Variants in DCLRE1C observed in about 807,000 individuals in gnomAD.
The protein encoded by DCLRE1C is protein artemis.
In DCLRE1C, 47 loss-of-function variants were observed where a neutral mutation model predicts 61.4. That is an observed-to-expected ratio of 0.77 (90% CI 0.61 to 0.98). DCLRE1C has a LOEUF of 0.98. Among genes scored for constraint, DCLRE1C ranks in the 50% least tolerant of loss-of-function variants. DCLRE1C has a pLI of 0.00. For synonymous variants in DCLRE1C, 337 were observed against 287.6 expected (o/e 1.17, Z -1.74); for missense variants, 858 against 816.0 (o/e 1.05, Z -0.63).
At chr10:14,938,604 GC>G (rs1166577124) in intron 4 of DCLRE1C, among the ~76,000 whole-genome samples, 7 of 152,108 alleles carry the variant, frequency 4.6e-5, no homozygotes, top group Admixed American at 2.6e-4. Flanking sequence ...AAAAAGGGGG[GC>G]TGTATGTCTA....
At chr10:14,951,262 T>A (rs569654810) in intron 1 of DCLRE1C, among the ~76,000 whole-genome samples, 13 of 151,748 alleles carry the variant, frequency 8.6e-5, no homozygotes, top group African/African-American at 3.1e-4. Context: ...ATGTCTGTAA[T>A]CCCAACTACT....
intron 11 of DCLRE1C, among the ~76,000 whole-genome samples, chr10:14,925,284 T>C (rs1473962236): frequency 6.8e-6 from 1 of 146,008 alleles, no homozygotes; most frequent in Non-Finnish European, 1.5e-5. Flanking sequence ...GGTTCACTAC[T>C]ACTTCTCAGA....
chr10:14,898,981 C>T lies in DCLRE1C; in HGVS notation c.*183G>A, dbSNP rs1833797948. The T allele has an allele frequency of 6.2e-6, 3 of 483,964 alleles. No individual in the cohort carries two copies. The Admixed American group carries it at 1.0e-4, about 17-fold the overall frequency. 30.0% of individuals were successfully genotyped at this position (483,964 alleles called of 1,614,324 possible). A position where few individuals can be genotyped will look rare whatever the true frequency, so the allele number is the denominator to read the frequency against. On this transcript the variant is annotated 3_prime_UTR_variant, in exon 14 of 14. Coordinates refer to the DCLRE1C transcript ENST00000378289. ...TATAGTTGTATAGCTTTTTGAACAT[C>T]CTAATTATAATGAAAGTAATGCAGT... is the stretch of plus-strand genomic sequence containing the variant.
At chr10:14,938,371 C>T (rs1176006017) in intron 4 of DCLRE1C, among the ~76,000 whole-genome samples, 1 of 152,004 alleles carries the variant, frequency 6.6e-6, no homozygotes, top group East Asian at 1.9e-4. Context: ...TTAATCCTCA[C>T]TAAACTGGCT....
In DCLRE1C at chr10:14,909,127, C is replaced by T. The variant is rs1323775541; in HGVS notation, c.1360G>A (p.Glu454Lys). 6.2e-7 allele frequency: 1 copy of T among 1,614,230 alleles called. No individual in the cohort carries two copies. Among genetic ancestry groups the T allele is most frequent in the Admixed American group, 1.7e-5 (1 of 60,032 alleles). ...SRFTNFVDCE[E>K]SNSESEEEVG... ...TCTTCTTCACTTTCACTGTTGGATT[C>T]TTCACAATCTACAAAGTTTGTGAAA... Residue 454 changes from glutamate to lysine, a missense_variant, in exon 14 of 14, where the codon GAA (glutamate) becomes AAA (lysine). Glu to Lys is a moderately conservative substitution (Grantham distance 56). This residue lies in a region of DCLRE1C where 843 missense variants were observed against 783.5 expected (regional missense o/e 1.08). Transcript: ENST00000378278.
chr10:14,908,500 T>C lies in DCLRE1C; in HGVS notation c.1987A>G (p.Lys663Glu), dbSNP rs777801379. 7 of 1,614,076 alleles carry C rather than the reference T, an allele frequency of 4.3e-6. No individual in the cohort carries two copies. Among genetic ancestry groups the C allele is most frequent in the Non-Finnish European group, 5.9e-6 (7 of 1,179,994 alleles). The change falls in exon 14 of 14, where the codon AAA becomes GAA. Residue 663 changes from lysine (K) to glutamate (E), a missense_variant. Transcript: ENST00000378278. ...VPSTPEAELP[K>E]REHLQYLYEK... The stretch of plus-strand genomic sequence containing the variant: ...TATAAATATTGTAAATGCTCTCGTT[T>C]AGGTAACTCAGCTTCTGGAGTTGAG...
Position 14,908,847 on chromosome 10 carries a change from C to A in DCLRE1C, c.1640G>T (p.Gly547Val). 10 of 1,614,148 alleles carry A rather than the reference C, an allele frequency of 6.2e-6. No individual in the cohort carries two copies. The highest frequency in any genetic ancestry group is 8.5e-6 in the Non-Finnish European group (10 of 1,180,026). ...SSQSTHITEQ[G>V]SQGWDSQSDT... is the part of the protein sequence containing the mutation. Reference sequence around the variant, plus strand: ...AGATTGGCTGTCCCAGCCTTGACTTCCTTGTTCTGTTATGTGTGTTGACTG... The same window carrying A: ...AGATTGGCTGTCCCAGCCTTGACTTACTTGTTCTGTTATGTGTGTTGACTG... The change falls in exon 14 of 14, where the codon GGA becomes GTA. Residue 547 changes from glycine to valine, a missense_variant. By Grantham distance (109) the Gly-to-Val change is moderately radical. Transcript: ENST00000378278.
chr10:14,910,216 A>C (rs913415590), intron 13 of DCLRE1C, among the ~76,000 whole-genome samples: 1 of 152,196 alleles, frequency 6.6e-6, no homozygotes, highest in African/African-American at 2.4e-5. Context: ...AGGGTGTGCC[A>C]ATACACACGA....
In DCLRE1C at chr10:14,950,759, G is replaced by A. The variant is rs538491893; in HGVS notation, c.110-1672C>T. On this transcript the variant is annotated intron_variant, in intron 1 of 13. Coordinates refer to ENST00000378278, the MANE Select transcript of DCLRE1C (RefSeq NM_001033855.3). ...GGCAGCACCCTGCATGGTGCATCAT[G>A]GTCCCCCATCCTCACCACCCTGAGG... is the stretch of plus-strand genomic sequence containing the variant. Among the ~76,000 whole-genome samples, 5 of 152,332 alleles carry A rather than the reference G, an allele frequency of 3.3e-5. No individual in the cohort carries two copies. The South Asian group carries it at 1.0e-3, about 32-fold the overall frequency.
downstream of DCLRE1C, among the ~76,000 whole-genome samples, chr10:14,901,475 G>A (rs895873655): frequency 4.0e-5 from 6 of 151,850 alleles, no homozygotes; most frequent in Non-Finnish European, 5.9e-5. Context: ...GTTCTACATC[G>A]TAAATTTTCA....
intron 9 of DCLRE1C, among the ~76,000 whole-genome samples, chr10:14,930,661 G>A (rs936701797): frequency 7.9e-5 from 12 of 152,002 alleles, no homozygotes; most frequent in African/African-American, 2.7e-4. Flanking sequence ...TCGAACTGCT[G>A]ACCTCAAGTG....
chr10:14,948,529 C>G (rs995113533), intron 2 of DCLRE1C, among the ~76,000 whole-genome samples: 5 of 152,042 alleles, frequency 3.3e-5, no homozygotes, highest in Non-Finnish European at 7.4e-5. Flanking sequence ...TACCTAGCAG[C>G]ATAGATAAAT....
Position 14,954,027 on chromosome 10 carries a change from G to A in DCLRE1C, c.-17C>T, listed in dbSNP as rs772013757. On this transcript the variant is annotated 5_prime_UTR_variant, in exon 1 of 14. Coordinates refer to ENST00000378278, the MANE Select transcript of DCLRE1C (RefSeq NM_001033855.3). The stretch of plus-strand genomic sequence containing the variant: ...AGAACTCATAGCGCCGCCGATCCCA[G>A]AGTCCGGGACCCCAAAACCGCAGCT... 7 of 1,613,696 alleles carry A rather than the reference G, an allele frequency of 4.3e-6. No homozygotes were observed. In the South Asian group the frequency reaches 5.5e-5, roughly 13 times the overall value.
intron 6 of DCLRE1C, 103 bp downstream of exon 6, chr10:14,935,360 G>T: frequency 7.8e-7 from 1 of 1,283,828 alleles, no homozygotes; most frequent in Non-Finnish European, 1.1e-6. Context: ...CAGCTACTTG[G>T]GAGGCTGAGG....
intron 12 of DCLRE1C, among the ~76,000 whole-genome samples, chr10:14,922,127 C>T (rs1276756550): frequency 1.3e-5 from 2 of 152,190 alleles, no homozygotes; most frequent in African/African-American, 4.8e-5. Context: ...TCCATTCCCA[C>T]CATATGGCTG....
chr10:14,901,053 A>G, downstream of DCLRE1C: 1 of 1,530,290 alleles, frequency 6.5e-7, no homozygotes, highest in Non-Finnish European at 8.8e-7. Context: ...AATCTCTAGG[A>G]AAGTAAACAT....
At chr10:14,942,851 C>CA (rs1394714099) in intron 3 of DCLRE1C, among the ~76,000 whole-genome samples, 2 of 152,130 alleles carry the variant, frequency 1.3e-5, no homozygotes, top group East Asian at 3.9e-4. Flanking sequence ...AGAAGCCCGG[C>CA]ATAGTGGCTC....
intron 13 of DCLRE1C, among the ~76,000 whole-genome samples, chr10:14,909,868 C>G (rs1834957225): frequency 6.6e-6 from 1 of 152,198 alleles, no homozygotes; most frequent in Non-Finnish European, 1.5e-5. Context: ...GTTAAATCAA[C>G]TTTAAAGCAA....
chr10:14,943,872 A>G (rs369829335), intron 3 of DCLRE1C, among the ~76,000 whole-genome samples: 2 of 152,066 alleles, frequency 1.3e-5, no homozygotes, highest in East Asian at 3.9e-4. Flanking sequence ...TTTAACTTAA[A>G]CTGAGAATTT....
Sources: gnomAD v4.1 joint callset for allele counts (sites outside exome capture counted in the v4.1 genomes callset) on GRCh38, gnomAD v4.1.1 for gene constraint, gnomAD v4.1.1 regional missense constraint, MANE v1.5 for transcripts, NCBI Gene and HGNC (gene_info 2026-07-23, HGNC 2026-07-21) for gene names.